SPATA9: variants seen among roughly 807,000 people sequenced by gnomAD.
SPATA9 encodes spermatogenesis-associated protein 9.
SPATA9 carries 27 observed loss-of-function variants against 25.5 expected under a neutral mutation model. The ratio of observed to expected loss-of-function variants is 1.06; its 90% confidence interval spans 0.78 to 1.46. The LOEUF is 1.46. SPATA9 is among the 40% of genes most tolerant of loss of function. SPATA9 has a pLI of 0.00. For synonymous variants in SPATA9, 102 were observed against 105.7 expected (o/e 0.97, Z 0.21); for missense variants, 282 against 297.5 (o/e 0.95, Z 0.38).
At chr5:95,704,149 G>T in the SPATA9 span, among the ~76,000 whole-genome samples, 1 of 152,132 alleles carries the variant, frequency 6.6e-6, no homozygotes, top group Non-Finnish European at 1.5e-5. Flanking sequence ...TTTGACCTTG[G>T]AAATAGTTTT....
chr5:95,701,104 T>C (rs1754172197), upstream of SPATA9: 1 of 152,242 alleles, frequency 6.6e-6, no homozygotes, highest in Non-Finnish European at 1.5e-5. Context: ...CTGTAAAATG[T>C]GAGTTATCAT....
At chr5:95,729,619 T>C in the SPATA9 span, among the ~76,000 whole-genome samples, 1 of 152,226 alleles carries the variant, frequency 6.6e-6, no homozygotes, top group African/African-American at 2.4e-5. Context: ...GCAACAGATC[T>C]CTGTAACTTT....
At chr5:95,715,970 T>C in the SPATA9 span, among the ~76,000 whole-genome samples, 1 of 152,194 alleles carries the variant, frequency 6.6e-6, no homozygotes, top group Non-Finnish European at 1.5e-5. Flanking sequence ...GCCAATCTTA[T>C]TGTTGTCAAG....
the SPATA9 span, among the ~76,000 whole-genome samples, chr5:95,729,924 C>A: frequency 6.6e-6 from 1 of 151,994 alleles, no homozygotes; most frequent in East Asian, 1.9e-4. Flanking sequence ...ATTCTAGTGT[C>A]TTTGTTTTTG....
the SPATA9 span, among the ~76,000 whole-genome samples, chr5:95,712,100 G>GT: frequency 8.5e-5 from 13 of 152,220 alleles, no homozygotes; most frequent in South Asian, 2.5e-3. Flanking sequence ...AAGTTTTACA[G>GT]TTAAAAAAAA....
the SPATA9 span, among the ~76,000 whole-genome samples, chr5:95,726,629 T>C: frequency 2.6e-5 from 4 of 152,336 alleles, no homozygotes; most frequent in Non-Finnish European, 5.9e-5. Context: ...CGTCGGTTTT[T>C]TACCTTGCAA....
chr5:95,683,094 T>A (rs1326913649), upstream of SPATA9: 9 of 981,644 alleles, frequency 9.2e-6, no homozygotes, highest in Admixed American at 2.1e-4. Context: ...TTTGGAGGCA[T>A]AAGGGAAGGA....
At chr5:95,664,439 A>G (rs1333370647) in intron 3 of SPATA9, among the ~76,000 whole-genome samples, 1 of 152,248 alleles carries the variant, frequency 6.6e-6, no homozygotes, top group Non-Finnish European at 1.5e-5. Context: ...CAAAATAATA[A>G]GCTTTTCCTA....
upstream of SPATA9, among the ~76,000 whole-genome samples, chr5:95,700,590 G>A (rs763999755): frequency 3.4e-5 from 5 of 148,708 alleles, no homozygotes; most frequent in African/African-American, 4.9e-5. Flanking sequence ...GAGCCACCGC[G>A]CCTGGCCAAA....
chr5:95,678,218 A>G (rs1042159507), intron 2 of SPATA9, among the ~76,000 whole-genome samples: 4 of 152,122 alleles, frequency 2.6e-5, no homozygotes, highest in Non-Finnish European at 5.9e-5. Context: ...CTCTACTAAA[A>G]ATACAAAAAT....
At chr5:95,726,701 T>G in the SPATA9 span, among the ~76,000 whole-genome samples, 1 of 152,246 alleles carries the variant, frequency 6.6e-6, no homozygotes, top group Non-Finnish European at 1.5e-5. Context: ...TGTGCTTGCA[T>G]TTTTAACACT....
At chr5:95,715,097 G>A in the SPATA9 span, among the ~76,000 whole-genome samples, 5 of 152,048 alleles carry the variant, frequency 3.3e-5, no homozygotes, top group East Asian at 1.9e-4. Context: ...AGGCCAAGGC[G>A]GGCAGTTCAC....
At chr5:95,730,936 G>T in the SPATA9 span, 1 of 463,872 alleles carries the variant, frequency 2.2e-6, no homozygotes, top group African/African-American at 2.0e-5. Flanking sequence ...GGGGGAAATC[G>T]GGTTGCTGGG....
chr5:95,658,980 T>C, intron 4 of SPATA9, 67 bp from the exon 5 acceptor site: 5 of 1,516,282 alleles, frequency 3.3e-6, no homozygotes, highest in Non-Finnish European at 4.4e-6. Flanking sequence ...ATTAAAAACA[T>C]ACAATATAGT....
intron 3 of SPATA9, among the ~76,000 whole-genome samples, chr5:95,664,456 A>C (rs1251012582): frequency 1.3e-5 from 2 of 152,230 alleles, no homozygotes; most frequent in African/African-American, 4.8e-5. Flanking sequence ...CCTAGAGATT[A>C]ATGACCTGCT....
At chr5:95,714,257 T>C in the SPATA9 span, among the ~76,000 whole-genome samples, 1 of 152,090 alleles carries the variant, frequency 6.6e-6, no homozygotes, top group Non-Finnish European at 1.5e-5. Flanking sequence ...GATCTGATAA[T>C]TTGAAATCTG....
At chr5:95,693,436 A>T (rs1485820632) in intron 1 of SPATA9, among the ~76,000 whole-genome samples, 3 of 152,254 alleles carry the variant, frequency 2.0e-5, no homozygotes, top group Non-Finnish European at 4.4e-5. Context: ...AATAAATTTC[A>T]GGGATGTAAT....
intron 2 of SPATA9, among the ~76,000 whole-genome samples, chr5:95,681,513 C>T (rs1254980916): frequency 6.6e-6 from 1 of 152,152 alleles, no homozygotes; most frequent in Non-Finnish European, 1.5e-5. Flanking sequence ...AAATTACATA[C>T]AGAGATGTAA....
At chr5:95,652,213 T>C, downstream of SPATA9, 1 of 1,509,502 alleles carries the variant, frequency 6.6e-7, no homozygotes, top group Non-Finnish European at 8.9e-7. Flanking sequence ...TGATTAGCAA[T>C]AGATTGGACA....
Sources: gnomAD v4.1 joint callset for allele counts (sites outside exome capture counted in the v4.1 genomes callset) on GRCh38, gnomAD v4.1.1 for gene constraint, MANE v1.5 for transcripts, NCBI Gene and HGNC (gene_info 2026-07-23, HGNC 2026-07-21) for gene names.